NSMCE2: variants seen among roughly 807,000 people sequenced by gnomAD.
NSMCE2 encodes NSE2 SUMO ligase component of SMC5/6 complex.
Under a neutral mutation model 23.8 loss-of-function variants are expected in NSMCE2, and 24 were observed. The observed-to-expected ratio is 1.01, with a 90% CI of 0.73 to 1.42. The LOEUF is 1.42. Ranked by LOEUF, NSMCE2 falls within the 40% of genes most tolerant of loss-of-function variation. NSMCE2 has a pLI of 0.00. For synonymous variants in NSMCE2, 92 were observed against 94.1 expected, an observed-to-expected ratio of 0.98 and a Z score of 0.13; for missense variants, 284 against 296.5, an observed-to-expected ratio of 0.96 and a Z score of 0.31.
At chr8:125,236,161 G>A (rs914759338) in intron 5 of NSMCE2, among the ~76,000 whole-genome samples, 9 of 152,168 alleles carry the variant, frequency 5.9e-5, no homozygotes, top group Admixed American at 2.0e-4. Flanking sequence ...AACTTTTTGC[G>A]CTTAACGTAG....
chr8:125,246,309 G>T (rs1165566938), intron 5 of NSMCE2, among the ~76,000 whole-genome samples: 2 of 151,352 alleles, frequency 1.3e-5, no homozygotes, highest in African/African-American at 4.9e-5. Context: ...TCAGCCTCCT[G>T]AGTAGCTGGG....
intron 7 of NSMCE2, among the ~76,000 whole-genome samples, chr8:125,363,542 AAGAGAG>A (rs143065139): frequency 9.7e-6 from 1 of 103,108 alleles, no homozygotes; most frequent in East Asian, 3.1e-4. Context: ...GAAAGAAAGA[AAGAGAG>A]AGAGAGAGAG....
chr8:125,273,958 C>T (rs922558904), intron 5 of NSMCE2, among the ~76,000 whole-genome samples: 2 of 152,256 alleles, frequency 1.3e-5, no homozygotes, highest in Non-Finnish European at 2.9e-5. Flanking sequence ...AGCCTCCCTC[C>T]TCCAGGTGCC....
chr8:125,272,365 T>A (rs1827239815), intron 5 of NSMCE2, among the ~76,000 whole-genome samples: 2 of 151,674 alleles, frequency 1.3e-5, no homozygotes, highest in East Asian at 3.9e-4. Context: ...TTAATGTCCA[T>A]CTTATTATGT....
At chr8:125,269,096 T>A (rs538670560) in intron 5 of NSMCE2, among the ~76,000 whole-genome samples, 1 of 152,174 alleles carries the variant, frequency 6.6e-6, no homozygotes, top group Non-Finnish European at 1.5e-5. Context: ...GTTTTTTGTT[T>A]GTTTTTTTGA....
At chr8:125,243,529 G>A (rs1825839310) in intron 5 of NSMCE2, among the ~76,000 whole-genome samples, 1 of 151,902 alleles carries the variant, frequency 6.6e-6, no homozygotes, top group Non-Finnish European at 1.5e-5. Context: ...AATTTCTAAT[G>A]TGTATTGTCA....
At chr8:125,156,717 C>G (rs1175904423) in intron 4 of NSMCE2, among the ~76,000 whole-genome samples, 3 of 152,094 alleles carry the variant, frequency 2.0e-5, no homozygotes, top group African/African-American at 7.2e-5. Context: ...CTATTGAAAC[C>G]AAAGCAATCT....
At chr8:125,284,023 G>A (rs551548342) in intron 5 of NSMCE2, among the ~76,000 whole-genome samples, 29 of 151,962 alleles carry the variant, frequency 1.9e-4, no homozygotes, top group African/African-American at 5.8e-4. Context: ...GCGTGGTGGC[G>A]GGCGCCTGTA....
At chr8:125,145,687 T>C (rs544659564) in intron 3 of NSMCE2, among the ~76,000 whole-genome samples, 30 of 152,318 alleles carry the variant, frequency 2.0e-4, no homozygotes, top group African/African-American at 3.1e-4. Flanking sequence ...GTGTGGCTAA[T>C]AAAAGTGACT....
intron 3 of NSMCE2, chr8:125,124,089 C>CT (rs1819400229): frequency 6.6e-6 from 1 of 152,310 alleles, no homozygotes; most frequent in South Asian, 2.1e-4. Context: ...CACTATTCTA[C>CT]TTTCTGTCTC....
intron 2 of NSMCE2, 21 bp downstream of exon 2, chr8:125,102,167 G>A (rs2130357666): frequency 3.4e-6 from 2 of 596,066 alleles, no homozygotes; most frequent in East Asian, 2.8e-5. Flanking sequence ...CAGTGATTTG[G>A]TGTCTTCTCT....
Position 125,272,766 on chromosome 8 carries a change from TAC to T in NSMCE2, c.419-84444_419-84443del, listed in dbSNP as rs1227620586. Among the ~76,000 whole-genome samples, 22 of 141,780 alleles carry T rather than the reference TAC, an allele frequency of 1.6e-4. 1 individual carries two copies. In the East Asian group the frequency reaches 1.6e-3, roughly 10 times the overall value. The allele number at this position is 141,780 out of a possible 152,430, so 93.0% of individuals were successfully genotyped here. A position where few individuals can be genotyped will look rare whatever the true frequency, so the allele number is the denominator to read the frequency against. ...ATATATATACACACGTATATATATATACACACACACGTATATATATACACATG... is the reference window on the plus strand; with the variant it reads ...ATATATATACACACGTATATATATATACACACACGTATATATATACACATG... On this transcript the variant is annotated intron_variant, in intron 5 of 7. Transcript: ENST00000287437.
intron 5 of NSMCE2, among the ~76,000 whole-genome samples, chr8:125,317,491 C>G (rs1829258393): frequency 6.6e-6 from 1 of 152,206 alleles, no homozygotes; most frequent in African/African-American, 2.4e-5. Context: ...ACCACCACAC[C>G]TGACCAAGAT....
intron 5 of NSMCE2, among the ~76,000 whole-genome samples, chr8:125,267,498 G>A (rs745330578): frequency 1.1e-4 from 17 of 152,198 alleles, no homozygotes; most frequent in Admixed American, 8.5e-4. Context: ...TAAGAAATCA[G>A]TACTTTGCCA....
chr8:125,118,454 G>A (rs1425649662), intron 3 of NSMCE2, among the ~76,000 whole-genome samples: 1 of 152,180 alleles, frequency 6.6e-6, no homozygotes, highest in Non-Finnish European at 1.5e-5. Context: ...TCTCGAATGA[G>A]TCTAAGAATG....
intron 3 of NSMCE2, among the ~76,000 whole-genome samples, chr8:125,137,458 T>A (rs1194986041): frequency 2.0e-5 from 3 of 152,210 alleles, no homozygotes; most frequent in Non-Finnish European, 4.4e-5. Flanking sequence ...GATATGCTAA[T>A]CTAAGGCAGT....
At chr8:125,229,341 A>C (rs1400627631) in intron 5 of NSMCE2, among the ~76,000 whole-genome samples, 1 of 152,186 alleles carries the variant, frequency 6.6e-6, no homozygotes, top group East Asian at 1.9e-4. Flanking sequence ...CTTTTTTTTA[A>C]ATCACACATC....
chr8:125,257,277 C>A (rs1296080921), intron 5 of NSMCE2, among the ~76,000 whole-genome samples: 1 of 149,932 alleles, frequency 6.7e-6, no homozygotes, highest in African/African-American at 2.5e-5. Flanking sequence ...GAGCAAGGCT[C>A]CATCTCAAAA....
At chr8:125,211,190 C>A (rs1486974362) in intron 5 of NSMCE2, among the ~76,000 whole-genome samples, 1 of 152,036 alleles carries the variant, frequency 6.6e-6, no homozygotes, top group Non-Finnish European at 1.5e-5. Context: ...AAGGTTTTAT[C>A]TTTTTTATTA....
Sources: allele counts gnomAD v4.1 joint callset (sites outside exome capture counted in the v4.1 genomes callset), GRCh38; gene constraint gnomAD v4.1.1; transcripts MANE v1.5; gene names NCBI Gene and HGNC (gene_info 2026-07-23, HGNC 2026-07-21).